Variants in SPAG16 observed in about 807,000 individuals in gnomAD.
SPAG16 encodes sperm-associated antigen 16 protein.
A neutral mutation model predicts 80.4 loss-of-function variants in SPAG16; 86 were observed. That is an observed-to-expected ratio of 1.07 (90% CI 0.90 to 1.28). SPAG16 has a LOEUF of 1.28. Among genes scored for constraint, SPAG16 ranks in the 50% most tolerant of loss-of-function variants. The pLI, the probability that SPAG16 is intolerant of heterozygous loss-of-function variation, is 0.00. For missense variants in SPAG16, 870 were observed against 765.3 expected, an observed-to-expected ratio of 1.14 and a Z score of -1.61; for synonymous variants, 294 against 265.9, an observed-to-expected ratio of 1.11 and a Z score of -1.03.
chr2:213,808,027 G>C (rs1440723630), intron 10 of SPAG16, among the ~76,000 whole-genome samples: 1 of 152,122 alleles, frequency 6.6e-6, no homozygotes, highest in Admixed American at 6.5e-5. Context: ...TTAGAATCAA[G>C]AAACACGGAA....
At chr2:213,834,949 G>A (rs780476862) in intron 10 of SPAG16, among the ~76,000 whole-genome samples, 9 of 151,908 alleles carry the variant, frequency 5.9e-5, no homozygotes, top group African/African-American at 2.2e-4. Flanking sequence ...AGATTCTTTC[G>A]GTCCTAGGTT....
chr2:213,980,725 T>TATAGAGAGAGAGAGAGAGAGAG (rs374274176), intron 12 of SPAG16, among the ~76,000 whole-genome samples: 2 of 104,026 alleles, frequency 1.9e-5, no homozygotes, highest in African/African-American at 1.0e-4. Flanking sequence ...TATATATATA[T>TATAGAGAGAGAGAGAGAGAGAG]AGAGAGAGAG....
At chr2:213,516,105 C>T (rs778036345) in intron 10 of SPAG16, among the ~76,000 whole-genome samples, 3 of 152,044 alleles carry the variant, frequency 2.0e-5, no homozygotes, top group Non-Finnish European at 1.5e-5. Flanking sequence ...TGGTGTTACC[C>T]CCAGTGTTGG....
At chr2:213,509,385 C>A (rs1481456441) in intron 10 of SPAG16, among the ~76,000 whole-genome samples, 5 of 152,086 alleles carry the variant, frequency 3.3e-5, no homozygotes, top group African/African-American at 4.8e-5. Context: ...CTTATTAAAC[C>A]TTTGCCTGAA....
intron 11 of SPAG16, among the ~76,000 whole-genome samples, chr2:213,883,591 C>G (rs760032221): frequency 9.2e-5 from 14 of 152,250 alleles, no homozygotes; most frequent in Middle Eastern, 3.4e-3. Context: ...GATGATCTCT[C>G]TAATGCAGTC....
chr2:214,176,710 G>A (rs1435691670), intron 15 of SPAG16, among the ~76,000 whole-genome samples: 2 of 151,116 alleles, frequency 1.3e-5, no homozygotes, highest in Admixed American at 6.6e-5. Flanking sequence ...AACAATAGAA[G>A]TACAGTGATG....
At chr2:213,719,606 C>G (rs565800342) in intron 10 of SPAG16, among the ~76,000 whole-genome samples, 14 of 152,184 alleles carry the variant, frequency 9.2e-5, no homozygotes, top group Non-Finnish European at 2.1e-4. Flanking sequence ...CATTGGCAAC[C>G]AGCTCCGGTC....
chr2:213,925,802 G>A (rs942385047), intron 11 of SPAG16, among the ~76,000 whole-genome samples: 6 of 152,140 alleles, frequency 3.9e-5, no homozygotes, highest in Admixed American at 3.9e-4. Context: ...GAGTCATAGT[G>A]AAGATCAAAT....
chr2:214,111,191 G>T (rs147598619), intron 14 of SPAG16, among the ~76,000 whole-genome samples: 1 of 152,038 alleles, frequency 6.6e-6, no homozygotes, highest in African/African-American at 2.4e-5. Flanking sequence ...TGTTTTAGTC[G>T]TGAAGTTCTT....
intron 15 of SPAG16, among the ~76,000 whole-genome samples, chr2:214,315,384 T>C (rs956059226): frequency 3.3e-5 from 5 of 152,190 alleles, no homozygotes; most frequent in Non-Finnish European, 7.3e-5. Flanking sequence ...AGGTTCTGTG[T>C]TGGCATTCAG....
chr2:214,287,317 T>C (rs183568999), intron 15 of SPAG16, among the ~76,000 whole-genome samples: 22 of 152,362 alleles, frequency 1.4e-4, no homozygotes, highest in African/African-American at 5.0e-4. Flanking sequence ...AACTTATCAG[T>C]GATTTCCTTC....
At chr2:214,039,687 A>G (rs1184711691) in intron 13 of SPAG16, among the ~76,000 whole-genome samples, 2 of 152,234 alleles carry the variant, frequency 1.3e-5, no homozygotes, top group South Asian at 2.1e-4. Flanking sequence ...TTAACTGGCT[A>G]TAAAATTTTT....
chr2:214,036,402 T>C (rs928315020), intron 13 of SPAG16, among the ~76,000 whole-genome samples: 3 of 152,186 alleles, frequency 2.0e-5, no homozygotes, highest in African/African-American at 7.2e-5. Context: ...GTATTAGAGA[T>C]CAAGATTAGG....
At chr2:213,793,821 G>A (rs527621982) in intron 10 of SPAG16, among the ~76,000 whole-genome samples, 3 of 152,166 alleles carry the variant, frequency 2.0e-5, no homozygotes, top group African/African-American at 4.8e-5. Context: ...AAAGTATAAC[G>A]TCTTAATACC....
At chr2:213,297,430 T>A in intron 3 of SPAG16, 73 bp downstream of exon 3, 1 of 831,782 alleles carries the variant, frequency 1.2e-6, no homozygotes, top group Non-Finnish European at 1.9e-6. Flanking sequence ...GAAAGTCTTT[T>A]AAATGTAAAT....
intron 10 of SPAG16, among the ~76,000 whole-genome samples, chr2:213,743,812 T>G (rs2067689704): frequency 6.6e-6 from 1 of 152,212 alleles, no homozygotes; most frequent in African/African-American, 2.4e-5. Flanking sequence ...AGCCATAGCA[T>G]CTTCAAATAC....
intron 10 of SPAG16, among the ~76,000 whole-genome samples, chr2:213,848,175 G>A (rs968600751): frequency 9.2e-5 from 14 of 152,104 alleles, no homozygotes; most frequent in Admixed American, 3.3e-4. Context: ...GAAGCTCTAC[G>A]TCTTGTCTGG....
chr2:213,926,646 CA>C (rs1284384529), intron 11 of SPAG16, among the ~76,000 whole-genome samples: 10 of 151,854 alleles, frequency 6.6e-5, no homozygotes, highest in Non-Finnish European at 1.5e-4. Flanking sequence ...TTTGCAGATT[CA>C]TGTTATAACC....
chr2:213,447,513 A>G (rs894853968), intron 9 of SPAG16, among the ~76,000 whole-genome samples: 1 of 152,162 alleles, frequency 6.6e-6, no homozygotes, highest in African/African-American at 2.4e-5. Context: ...TGGGACTCCA[A>G]TTGGCATTAT....
Sources: allele counts gnomAD v4.1 joint callset (sites outside exome capture counted in the v4.1 genomes callset), GRCh38; gene constraint gnomAD v4.1.1; transcripts MANE v1.5; gene names NCBI Gene and HGNC (gene_info 2026-07-23, HGNC 2026-07-21).